Variants in KCNH5 observed in about 807,000 individuals in gnomAD.
KCNH5 encodes potassium voltage-gated channel subfamily H member 5, also known as voltage-gated delayed rectifier potassium channel KCNH5.
Under a neutral mutation model 96.1 loss-of-function variants are expected in KCNH5, and 46 were observed. That is an observed-to-expected ratio of 0.48 (90% CI 0.38 to 0.61). The LOEUF (loss-of-function observed/expected upper bound fraction) is 0.61, where lower values mean the gene tolerates loss of function less well. Among genes scored for constraint, KCNH5 ranks in the 20% least tolerant of loss-of-function variants. The probability of loss-of-function intolerance (pLI) is 0.00; values close to 1 mark genes in which losing one functional copy is unlikely to be tolerated. For synonymous variants in KCNH5, 439 were observed against 449.8 expected (o/e 0.98, Z 0.30); for missense variants, 907 against 1,225.8 (o/e 0.74, Z 3.88).
Position 62,730,469 on chromosome 14 carries a change from T to G in KCNH5, c.2020-22014A>C, listed in dbSNP as rs146635488. ...AACAAAATCAATAATTTTACAGCAG[T>G]AAGGCCCACCATGGATCAATTACTA... On this transcript the variant is annotated intron_variant, in intron 10 of 10. Coordinates refer to ENST00000322893, the MANE Select transcript of KCNH5 (RefSeq NM_139318.5). 2.9e-3 allele frequency among the ~76,000 whole-genome samples: 438 copies of G among 152,316 alleles called. 10 individuals are homozygous for G. Among genetic ancestry groups the G allele is most frequent in the Admixed American group, 0.025 (376 of 15,290 alleles).
intron 8 of KCNH5, among the ~76,000 whole-genome samples, chr14:62,825,109 T>C (rs1405214244): frequency 1.3e-5 from 2 of 152,106 alleles, no homozygotes; most frequent in Non-Finnish European, 2.9e-5. Flanking sequence ...TTGTTTTCTT[T>C]TGCATATATA....
At chr14:62,745,018 A>C (rs1372766607) in intron 10 of KCNH5, among the ~76,000 whole-genome samples, 1 of 152,222 alleles carries the variant, frequency 6.6e-6, no homozygotes, top group Non-Finnish European at 1.5e-5. Flanking sequence ...GTACATCCAG[A>C]CTGCAATTCA....
chr14:62,946,151 G>C (rs1595695187), intron 7 of KCNH5, among the ~76,000 whole-genome samples: 1 of 152,138 alleles, frequency 6.6e-6, no homozygotes, highest in East Asian at 1.9e-4. Context: ...TATGGAAGGA[G>C]AGAGAAATAA....
chr14:62,840,524 TTTTTGTTTTG>T (rs1173630016), intron 8 of KCNH5, among the ~76,000 whole-genome samples: 10 of 151,728 alleles, frequency 6.6e-5, no homozygotes, highest in African/African-American at 1.9e-4. Flanking sequence ...TCTTTTCTGT[TTTTTGTTTTG>T]TTTTGTTTTG....
chr14:62,843,886 T>TA (rs1236554383), intron 8 of KCNH5, among the ~76,000 whole-genome samples: 1 of 152,144 alleles, frequency 6.6e-6, no homozygotes, highest in Non-Finnish European at 1.5e-5. Flanking sequence ...TCATATCTAG[T>TA]AATACGATGA....
chr14:63,042,751 C>T (rs116013816), intron 1 of KCNH5, among the ~76,000 whole-genome samples: 261 of 152,234 alleles, frequency 1.7e-3, no homozygotes, highest in African/African-American at 5.9e-3. Context: ...ATGACAACTG[C>T]GGGATATTCC....
intron 1 of KCNH5, among the ~76,000 whole-genome samples, chr14:63,042,677 A>G (rs1891847354): frequency 1.3e-5 from 2 of 152,184 alleles, no homozygotes; most frequent in Non-Finnish European, 1.5e-5. Flanking sequence ...GGAATTTTCT[A>G]TTAGTCTCAA....
At chr14:62,912,361 T>C (rs1403002700) in intron 7 of KCNH5, among the ~76,000 whole-genome samples, 2 of 152,186 alleles carry the variant, frequency 1.3e-5, no homozygotes, top group East Asian at 1.9e-4. Context: ...TCCAGTCTGC[T>C]ACTTTCTCTT....
At chr14:62,743,625 G>A (rs1045676974) in intron 10 of KCNH5, among the ~76,000 whole-genome samples, 2 of 152,034 alleles carry the variant, frequency 1.3e-5, no homozygotes, top group African/African-American at 4.8e-5. Context: ...GTAGGTAAAG[G>A]TCAGAAATCT....
At chr14:62,721,497 T>TCG (rs368349838) in intron 10 of KCNH5, among the ~76,000 whole-genome samples, 2 of 49,044 alleles carry the variant, frequency 4.1e-5, no homozygotes, top group African/African-American at 1.1e-4. Context: ...TCTCACTCAC[T>TCG]CGCTCTCTCT....
intron 9 of KCNH5, among the ~76,000 whole-genome samples, chr14:62,788,915 A>G (rs1371020246): frequency 6.6e-6 from 1 of 152,264 alleles, no homozygotes. Flanking sequence ...TGGTGACTCT[A>G]TTACAACATT....
At chr14:62,809,624 A>G (rs753580728) in intron 8 of KCNH5, among the ~76,000 whole-genome samples, 5 of 152,122 alleles carry the variant, frequency 3.3e-5, no homozygotes, top group Non-Finnish European at 7.4e-5. Context: ...TATGAAACAG[A>G]GTTCTATCAA....
chr14:63,003,546 TATAGTATATATTA>T (rs1566536885), intron 3 of KCNH5, among the ~76,000 whole-genome samples: 1 of 112,796 alleles, frequency 8.9e-6, no homozygotes, highest in African/African-American at 4.0e-5. Flanking sequence ...ATATATTATA[TATAGTATATATTA>T]TATATATTTA....
intron 10 of KCNH5, among the ~76,000 whole-genome samples, chr14:62,758,093 C>T (rs959962033): frequency 2.0e-5 from 3 of 147,110 alleles, no homozygotes; most frequent in Non-Finnish European, 4.5e-5. Flanking sequence ...TGCAGTAAGC[C>T]AAGATTGGGC....
At chr14:62,912,755 A>G (rs1413624347) in intron 7 of KCNH5, among the ~76,000 whole-genome samples, 2 of 152,186 alleles carry the variant, frequency 1.3e-5, no homozygotes, top group Non-Finnish European at 2.9e-5. Context: ...TCCACACACA[A>G]ATATGACATA....
intron 7 of KCNH5, among the ~76,000 whole-genome samples, chr14:62,891,975 A>G (rs7144426): frequency 0.072 from 11,003 of 152,184 alleles, 1,316 homozygotes; most frequent in African/African-American, 0.25. Context: ...TCCCTGAGAC[A>G]CAACAATATT....
At chr14:63,024,213 A>AAAAAAAATATATATATATATATAT (rs1288682150) in intron 1 of KCNH5, among the ~76,000 whole-genome samples, 10 of 139,876 alleles carry the variant, frequency 7.1e-5, no homozygotes, top group Non-Finnish European at 1.6e-4. Flanking sequence ...CATCTCAAAA[A>AAAAAAAATATATATATATATATAT]ATATATATAT....
intron 10 of KCNH5, among the ~76,000 whole-genome samples, chr14:62,720,743 A>G (rs985101857): frequency 6.6e-6 from 1 of 152,156 alleles, no homozygotes; most frequent in Admixed American, 6.5e-5. Flanking sequence ...CCCAGAGGAA[A>G]AACAACAACA....
At chr14:63,036,494 G>A (rs1428823404) in intron 1 of KCNH5, among the ~76,000 whole-genome samples, 1 of 142,062 alleles carries the variant, frequency 7.0e-6, no homozygotes, top group Admixed American at 7.0e-5. Context: ...GAATAGAAAC[G>A]GGAGATACAA....
Sources: allele counts gnomAD v4.1 joint callset (sites outside exome capture counted in the v4.1 genomes callset), GRCh38; gene constraint gnomAD v4.1.1; transcripts MANE v1.5; gene names NCBI Gene and HGNC (gene_info 2026-07-23, HGNC 2026-07-21).